The following OR3A2 variants were observed in gnomAD, a reference collection of about 807,000 sequenced individuals.
OR3A2 encodes the protein olfactory receptor family 3 subfamily A member 2, also known as olfactory receptor 3A2.
For missense variants in OR3A2, 318 were observed against 392.8 expected (o/e 0.81, Z 1.61); for synonymous variants, 126 against 159.3 (o/e 0.79, Z 1.57).
intron 3 of OR3A2, among the ~76,000 whole-genome samples, chr17:3,306,868 G>A (rs2049004397): frequency 6.6e-6 from 1 of 151,982 alleles, no homozygotes; most frequent in Admixed American, 6.6e-5. Context: ...GAAAGACTAA[G>A]AACAAAAATT....
intron 3 of OR3A2, among the ~76,000 whole-genome samples, chr17:3,297,441 A>T (rs1351035209): frequency 3.3e-5 from 5 of 151,886 alleles, no homozygotes; most frequent in Non-Finnish European, 5.9e-5. Flanking sequence ...CTTTATCTGG[A>T]ACATCCTCTA....
intron 2 of OR3A2, among the ~76,000 whole-genome samples, chr17:3,345,420 AAGAG>A (rs776616904): frequency 1.3e-4 from 15 of 117,344 alleles, no homozygotes; most frequent in Admixed American, 3.9e-4. Flanking sequence ...AAAAAAAGGA[AAGAG>A]AGAGAGAGAG....
At chr17:3,369,579 A>G (rs974881842) in intron 2 of OR3A2, among the ~76,000 whole-genome samples, 5 of 152,144 alleles carry the variant, frequency 3.3e-5, no homozygotes, top group Non-Finnish European at 7.4e-5. Context: ...CTGGTATGAA[A>G]CCCACTTGAT....
chr17:3,285,456 A>C (rs2048802376), upstream of OR3A2, among the ~76,000 whole-genome samples: 3 of 152,290 alleles, frequency 2.0e-5, no homozygotes, highest in African/African-American at 7.2e-5. Context: ...TTGCTAATAG[A>C]GGTTCAACAA....
At chr17:3,281,525 C>T (rs1438164431) in intron 1 of OR3A2, among the ~76,000 whole-genome samples, 1 of 152,158 alleles carries the variant, frequency 6.6e-6, no homozygotes, top group African/African-American at 2.4e-5. Flanking sequence ...TGAGGCACCG[C>T]GCCCGGCAGC....
At chr17:3,379,354 A>G (rs931121669) in intron 2 of OR3A2, among the ~76,000 whole-genome samples, 21 of 152,170 alleles carry the variant, frequency 1.4e-4, no homozygotes, top group African/African-American at 5.1e-4. Context: ...AAGGAACAGA[A>G]GTCATTTTGC....
At chr17:3,353,986 A>C (rs1373582238) in intron 2 of OR3A2, among the ~76,000 whole-genome samples, 1 of 151,338 alleles carries the variant, frequency 6.6e-6, no homozygotes, top group Non-Finnish European at 1.5e-5. Context: ...ACATTGATTT[A>C]TTTGCACATT....
chr17:3,331,043 C>T (rs2150642080), intron 3 of OR3A2, among the ~76,000 whole-genome samples: 1 of 152,216 alleles, frequency 6.6e-6, no homozygotes, highest in African/African-American at 2.4e-5. Flanking sequence ...TATTGGCCCC[C>T]ACTCTCTTCT....
At chr17:3,294,957 T>C (rs1324134286) in intron 3 of OR3A2, among the ~76,000 whole-genome samples, 2 of 152,182 alleles carry the variant, frequency 1.3e-5, no homozygotes, top group Non-Finnish European at 2.9e-5. Flanking sequence ...TTTGTTTTGT[T>C]TGTTTTTTTT....
At chr17:3,302,998 C>T (rs746715200) in intron 3 of OR3A2, among the ~76,000 whole-genome samples, 8 of 152,014 alleles carry the variant, frequency 5.3e-5, no homozygotes, top group Non-Finnish European at 7.4e-5. Flanking sequence ...GAGAAATCAA[C>T]CAAAATAACA....
chr17:3,279,646 C>T (rs184040770), intron 1 of OR3A2, among the ~76,000 whole-genome samples: 179 of 152,134 alleles, frequency 1.2e-3, no homozygotes, highest in Non-Finnish European at 2.0e-3. Flanking sequence ...AAATTAGCTT[C>T]GTGTGGTGGG....
At chr17:3,300,756 T>C (rs888699926) in intron 3 of OR3A2, among the ~76,000 whole-genome samples, 1 of 152,006 alleles carries the variant, frequency 6.6e-6, no homozygotes. Flanking sequence ...GTTTGTTACA[T>C]ATGTATACAT....
chr17:3,351,006 ATAAAT>A (rs2150653723), intron 2 of OR3A2, among the ~76,000 whole-genome samples: 1 of 152,172 alleles, frequency 6.6e-6, no homozygotes, highest in East Asian at 1.9e-4. Flanking sequence ...AAAACTCTCA[ATAAAT>A]TAGGTATTGG....
intron 2 of OR3A2, among the ~76,000 whole-genome samples, chr17:3,350,921 A>G (rs1338028458): frequency 6.6e-6 from 1 of 151,090 alleles, no homozygotes; most frequent in African/African-American, 2.4e-5. Context: ...AAACAGAACC[A>G]AAGACAAAAA....
At chr17:3,359,116 T>A (rs1054940511) in intron 2 of OR3A2, among the ~76,000 whole-genome samples, 3 of 151,822 alleles carry the variant, frequency 2.0e-5, no homozygotes, top group Admixed American at 1.3e-4. Context: ...CTTCCTTTTT[T>A]CTATTTGCTG....
chr17:3,342,745 A>G (rs1275873288), intron 2 of OR3A2, among the ~76,000 whole-genome samples: 2 of 152,222 alleles, frequency 1.3e-5, no homozygotes, highest in African/African-American at 4.8e-5. Context: ...TCAGGGACCC[A>G]CTTGACGAGG....
chr17:3,306,380 CA>C (rs1952036069), intron 3 of OR3A2, among the ~76,000 whole-genome samples: 1 of 152,008 alleles, frequency 6.6e-6, no homozygotes, highest in Non-Finnish European at 1.5e-5. Context: ...TGGCCTCAAG[CA>C]ATCCCCCCAC....
At chr17:3,341,616 T>C (rs2049319696) in intron 2 of OR3A2, among the ~76,000 whole-genome samples, 1 of 152,178 alleles carries the variant, frequency 6.6e-6, no homozygotes, top group Non-Finnish European at 1.5e-5. Context: ...GCTTGTAGAG[T>C]TTCTGCTGAG....
At chr17:3,276,363 A>G (rs554972911), downstream of OR3A2, among the ~76,000 whole-genome samples, 1 of 152,338 alleles carries the variant, frequency 6.6e-6, no homozygotes, top group Non-Finnish European at 1.5e-5. Flanking sequence ...AAACGGGCAT[A>G]TCATATATAC....
Sources: gnomAD v4.1 joint callset for allele counts (sites outside exome capture counted in the v4.1 genomes callset) on GRCh38, gnomAD v4.1.1 for gene constraint, MANE v1.5 for transcripts, NCBI Gene and HGNC (gene_info 2026-07-23, HGNC 2026-07-21) for gene names.